Variants in COL23A1 observed in about 807,000 individuals in gnomAD.
The protein encoded by COL23A1 is collagen type XXIII alpha 1 chain.
In COL23A1, 97 loss-of-function variants were observed where a neutral mutation model predicts 99.3. The ratio of observed to expected loss-of-function variants is 0.98; its 90% confidence interval spans 0.83 to 1.16. The LOEUF (loss-of-function observed/expected upper bound fraction) is 1.16. COL23A1 is among the 50% of genes most tolerant of loss of function. The probability of loss-of-function intolerance (pLI) is 0.00; values close to 1 mark genes in which losing one functional copy is unlikely to be tolerated. For missense variants in COL23A1, 762 were observed against 757.4 expected (o/e 1.01, Z -0.07); for synonymous variants, 320 against 308.2 (o/e 1.04, Z -0.40).
chr5:178,552,343 G>A (rs1266856578), intron 2 of COL23A1, among the ~76,000 whole-genome samples: 3 of 152,146 alleles, frequency 2.0e-5, no homozygotes, highest in Non-Finnish European at 4.4e-5. Context: ...AGTGAAGCGA[G>A]GGAATGGCAA....
chr5:178,419,404 C>T (rs73350820), intron 2 of COL23A1, among the ~76,000 whole-genome samples: 3,757 of 152,336 alleles, frequency 0.025, 152 homozygotes, highest in African/African-American at 0.083. Flanking sequence ...TCACCGGTAA[C>T]GACAGTAAAC....
intron 2 of COL23A1, among the ~76,000 whole-genome samples, chr5:178,496,482 T>G (rs978727989): frequency 4.6e-5 from 7 of 152,222 alleles, no homozygotes; most frequent in Admixed American, 3.9e-4. Flanking sequence ...GCCGGACTAA[T>G]TTGCATAAAT....
intron 2 of COL23A1, among the ~76,000 whole-genome samples, chr5:178,535,800 T>A (rs1760906383): frequency 6.6e-6 from 1 of 152,224 alleles, no homozygotes; most frequent in East Asian, 1.9e-4. Flanking sequence ...CCCAGCCCCA[T>A]CGTGGAGAGG....
chr5:178,418,829 A>G (rs1229602574), intron 2 of COL23A1, among the ~76,000 whole-genome samples: 1 of 152,192 alleles, frequency 6.6e-6, no homozygotes, highest in Non-Finnish European at 1.5e-5. Context: ...ACAGTAAGCC[A>G]TGTGGCCCTG....
intron 2 of COL23A1, among the ~76,000 whole-genome samples, chr5:178,358,163 T>C (rs1289764274): frequency 1.3e-5 from 2 of 150,828 alleles, no homozygotes; most frequent in Non-Finnish European, 3.0e-5. Context: ...TGTGTGTATG[T>C]CTAATGTGTA....
At chr5:178,265,985 T>A (rs1038819831) in intron 8 of COL23A1, among the ~76,000 whole-genome samples, 7 of 152,102 alleles carry the variant, frequency 4.6e-5, no homozygotes, top group African/African-American at 1.7e-4. Context: ...CAAGAGAGCC[T>A]AACCCTTACC....
intron 2 of COL23A1, among the ~76,000 whole-genome samples, chr5:178,357,626 CAT>C (rs1203104675): frequency 3.3e-5 from 5 of 152,236 alleles, no homozygotes; most frequent in South Asian, 4.1e-4. Flanking sequence ...CTTGCTTTCA[CAT>C]GTTTGTCCCA....
chr5:178,556,418 T>C (rs1303232958), intron 2 of COL23A1, among the ~76,000 whole-genome samples: 1 of 151,580 alleles, frequency 6.6e-6, no homozygotes, highest in Non-Finnish European at 1.5e-5. Flanking sequence ...AGGTCAGGAG[T>C]TCGAGACCAG....
chr5:178,588,850 C>G (rs920188547), intron 1 of COL23A1, among the ~76,000 whole-genome samples: 2 of 152,166 alleles, frequency 1.3e-5, no homozygotes, highest in South Asian at 4.1e-4. Context: ...GTGTACAGGC[C>G]AGTGCTCCCT....
Position 178,560,755 on chromosome 5 carries a change from C to CG in COL23A1, c.295-8dup. On this transcript the variant is annotated splice_polypyrimidine_tract_variant and splice_region_variant and intron_variant, in intron 1 of 28. Transcript: ENST00000390654. ...TCGCTAGTCCGTCCAACTTCTGAGC[C>CG]GGAAAAAAAAAAAGAAAAAAAACGA... 6.3e-7 allele frequency: 1 copy of CG among 1,593,674 alleles called. No individual in the cohort carries two copies. Among genetic ancestry groups the CG allele is most frequent in the Non-Finnish European group, 8.5e-7 (1 of 1,172,646 alleles).
chr5:178,421,195 G>C (rs1298897850), intron 2 of COL23A1, among the ~76,000 whole-genome samples: 1 of 152,112 alleles, frequency 6.6e-6, no homozygotes, highest in Non-Finnish European at 1.5e-5. Context: ...GTCATGATTT[G>C]GTTTTTGGAG....
intron 2 of COL23A1, among the ~76,000 whole-genome samples, chr5:178,472,826 T>C (rs142669667): frequency 3.3e-5 from 5 of 152,150 alleles, no homozygotes; most frequent in African/African-American, 1.2e-4. Context: ...ATTGAAAATA[T>C]TTTTAAAAAA....
chr5:178,401,575 G>T (rs1382323211), intron 2 of COL23A1, among the ~76,000 whole-genome samples: 1 of 152,100 alleles, frequency 6.6e-6, no homozygotes, highest in Non-Finnish European at 1.5e-5. Context: ...GGGATATTTG[G>T]GTTATTTCCA....
At chr5:178,515,095 C>T (rs1759430368) in intron 2 of COL23A1, among the ~76,000 whole-genome samples, 2 of 152,248 alleles carry the variant, frequency 1.3e-5, no homozygotes, top group Non-Finnish European at 2.9e-5. Context: ...ATGTGCTGTG[C>T]ATGCTTCTGG....
rs1381800207 is a variant in COL23A1 at position 178,428,757 on chromosome 5, T to C, written c.362-121838A>G. Reference sequence around the variant, plus strand: ...TGATCATTCATTTCAGGGCCTCATTTTGTTCCTGAACTGGGCTCAGTGTTA... The same window carrying C: ...TGATCATTCATTTCAGGGCCTCATTCTGTTCCTGAACTGGGCTCAGTGTTA... On this transcript the variant is annotated intron_variant, in intron 2 of 28. Coordinates refer to ENST00000390654, the MANE Select transcript of COL23A1 (RefSeq NM_173465.4). This position sits in a 1 kb window ranked among gnomAD's most constrained non-coding sequence, Gnocchi z 5.0. 6.6e-6 allele frequency among the ~76,000 whole-genome samples: 1 copy of C among 152,208 alleles called. No individual in the cohort carries two copies. Among genetic ancestry groups the C allele is most frequent in the African/African-American group, 2.4e-5 (1 of 41,446 alleles).
chr5:178,517,873 CTT>C (rs71577021), intron 2 of COL23A1, among the ~76,000 whole-genome samples: 4,808 of 96,894 alleles, frequency 0.05, 77 homozygotes, highest in African/African-American at 0.079. Context: ...AACAGCGGTT[CTT>C]TTTTTTTTTT....
chr5:178,414,074 G>A (rs966412297), intron 2 of COL23A1, among the ~76,000 whole-genome samples: 3 of 152,156 alleles, frequency 2.0e-5, no homozygotes, highest in South Asian at 4.1e-4. Context: ...TGTGTGCTCC[G>A]GTCCTGCAGT....
intron 2 of COL23A1, among the ~76,000 whole-genome samples, chr5:178,446,858 C>T (rs1372522659): frequency 1.3e-5 from 2 of 152,072 alleles, no homozygotes; most frequent in African/African-American, 2.4e-5. Context: ...TAGTACACAC[C>T]TACTGAATGA....
chr5:178,586,860 T>G (rs1209182318), intron 1 of COL23A1, among the ~76,000 whole-genome samples: 1 of 152,154 alleles, frequency 6.6e-6, no homozygotes, highest in East Asian at 1.9e-4. Flanking sequence ...TCCATTTGAC[T>G]CTGGGTTGAC....
Sources: allele counts gnomAD v4.1 joint callset (sites outside exome capture counted in the v4.1 genomes callset), GRCh38; gene constraint gnomAD v4.1.1; non-coding constraint Gnocchi (gnomAD v3.1); transcripts MANE v1.5; gene names NCBI Gene and HGNC (gene_info 2026-07-23, HGNC 2026-07-21).